Variants in PDE1B observed in about 807,000 individuals in gnomAD.
PDE1B encodes phosphodiesterase 1B.
A neutral mutation model predicts 66.7 loss-of-function variants in PDE1B; 13 were observed. That is an observed-to-expected ratio of 0.19 (90% CI 0.13 to 0.31). The LOEUF (loss-of-function observed/expected upper bound fraction) is 0.31. Ranked by LOEUF, PDE1B falls within the 10% of genes least tolerant of loss-of-function variation. The pLI is 1.00. For synonymous variants in PDE1B, 230 were observed against 253.9 expected (o/e 0.91, Z 0.90); for missense variants, 485 against 682.3 (o/e 0.71, Z 3.22).
At chr12:54,568,977 A>G (rs141372403) in intron 3 of PDE1B, 1 of 747,692 alleles carries the variant, frequency 1.3e-6, no homozygotes, top group African/African-American at 1.8e-5. Context: ...CATAGTTGGG[A>G]TGCTCACTAC....
chr12:54,562,995 C>A (rs974493523), intron 2 of PDE1B, among the ~76,000 whole-genome samples: 8 of 152,232 alleles, frequency 5.3e-5, no homozygotes, highest in Non-Finnish European at 8.8e-5. Context: ...CCTTACTCTT[C>A]TCAGGCTCAC....
At chr12:54,554,178 C>T (rs1469014455) in intron 2 of PDE1B, 2 of 152,182 alleles carry the variant, frequency 1.3e-5, no homozygotes, top group African/African-American at 4.8e-5. Flanking sequence ...CTGGGTGCCT[C>T]ATTGGTTTAA....
In PDE1B at chr12:54,549,989, A is replaced by G; in HGVS notation, c.113+4A>G. On this transcript the variant is annotated splice_donor_region_variant and intron_variant, in intron 2 of 15. Transcript: ENST00000243052. Reference sequence around the variant, plus strand: ...TGTGGATTAAGCTTCGGTCTCTGTAAGTCCCCGGCCCGGGAATGGGGGGAA... The same window carrying G: ...TGTGGATTAAGCTTCGGTCTCTGTAGGTCCCCGGCCCGGGAATGGGGGGAA... The G allele has an allele frequency of 6.2e-7, 1 of 1,613,374 alleles. No homozygotes were observed. The highest frequency in any genetic ancestry group is 8.5e-7 in the Non-Finnish European group (1 of 1,179,616).
intron 3 of PDE1B, among the ~76,000 whole-genome samples, chr12:54,567,637 A>G (rs1248056409): frequency 6.6e-6 from 1 of 152,110 alleles, no homozygotes; most frequent in Non-Finnish European, 1.5e-5. Context: ...ACAGATATCA[A>G]GAAGGACAGA....
At chr12:54,574,807 CCA>C in intron 10 of PDE1B, 1 of 202,598 alleles carries the variant, frequency 4.9e-6, no homozygotes, top group Non-Finnish European at 1.0e-5. Flanking sequence ...ACTGTCTCTA[CCA>C]AAAAAATACA....
intron 3 of PDE1B, 103 bp downstream of exon 3, chr12:54,567,190 G>A (rs888192691): frequency 1.6e-5 from 10 of 607,846 alleles, no homozygotes; most frequent in African/African-American, 9.3e-5. Flanking sequence ...GACAGAGACC[G>A]GAAGAAAGAG....
rs373780908 is a variant in PDE1B, at chr12:54,565,487, C to T, written c.114-1487C>T. Among the ~76,000 whole-genome samples the T allele has an allele frequency of 1.7e-4, 26 of 152,320 alleles. 1 individual carries two copies. The South Asian group carries it at 4.6e-3, about 27-fold the overall frequency. On this transcript the variant is annotated intron_variant, in intron 2 of 15. Transcript: ENST00000243052. ...TGGGAAAGCCTTTTATGATATATCT[C>T]GCCTCTATTCCTCCTCCCTAATGAA... is the stretch of plus-strand genomic sequence containing the variant.
chr12:54,561,717 G>A (rs768000030), intron 2 of PDE1B: 3 of 1,022,762 alleles, frequency 2.9e-6, no homozygotes, highest in Admixed American at 4.2e-5. Flanking sequence ...GTAGTTTAGT[G>A]AAGTGGAGAG....
intron 2 of PDE1B, 46 bp from the exon 3 acceptor site, chr12:54,566,928 T>C: frequency 4.2e-6 from 4 of 960,996 alleles, no homozygotes; most frequent in East Asian, 2.4e-5. Flanking sequence ...GTTCTCATGA[T>C]AAGGTAGCTG....
intron 14 of PDE1B, chr12:54,576,914 C>T: frequency 3.2e-6 from 2 of 616,332 alleles, no homozygotes; most frequent in Non-Finnish European, 5.7e-6. Flanking sequence ...TAGAGACAGT[C>T]AGATATTCCA....
chr12:54,577,520 C>G lies in PDE1B; in HGVS notation c.*17+175C>G, dbSNP rs540475919. The stretch of plus-strand genomic sequence containing the variant: ...TGTGGGTGGAGCAGGGAAATCCTCC[C>G]ACGCTCTTCTGTCCCCCAGTCCCTG... On this transcript the variant is annotated intron_variant, in intron 15 of 15. Coordinates refer to ENST00000243052, the MANE Select transcript of PDE1B (RefSeq NM_000924.4). The G allele has an allele frequency of 2.4e-5, 38 of 1,573,718 alleles. No homozygotes were observed. The East Asian group carries it at 7.6e-4, about 32-fold the overall frequency.
intron 2 of PDE1B, among the ~76,000 whole-genome samples, chr12:54,564,448 A>C (rs1395398682): frequency 2.0e-5 from 3 of 152,198 alleles, no homozygotes; most frequent in Non-Finnish European, 2.9e-5. Context: ...CCTGGGCAAC[A>C]TAGCAGGACC....
chr12:54,573,868 AGAGT>A lies in PDE1B; in HGVS notation c.1064+161_1064+164del, dbSNP rs1957668659. 3 of 533,920 alleles carry A rather than the reference AGAGT, an allele frequency of 5.6e-6. No homozygotes were observed. Among genetic ancestry groups the A allele is most frequent in the Non-Finnish European group, 6.7e-6 (2 of 299,010 alleles). The allele number at this position is 533,920 out of a possible 1,614,324, so 33.1% of individuals were successfully genotyped here. On this transcript the variant is annotated intron_variant, in intron 10 of 15. Transcript: ENST00000243052. The surrounding 1 kb of genome is among the most constrained non-coding windows in gnomAD (Gnocchi z 5.2). ...CTGCATCTCTATGTGAGAGAGAGAGAGAGTGTGTGTGTGTGTGTGTGTGTGTGTG... is the reference window on the plus strand; with the variant it reads ...CTGCATCTCTATGTGAGAGAGAGAGAGTGTGTGTGTGTGTGTGTGTGTGTG...
At chr12:54,560,504 C>T (rs572170730) in intron 2 of PDE1B, among the ~76,000 whole-genome samples, 1 of 152,216 alleles carries the variant, frequency 6.6e-6, no homozygotes. Flanking sequence ...CCCGCCAGCT[C>T]TTCTCCTTAG....
rs1440417158 is a variant in PDE1B at position 54,549,941 on chromosome 12, G to C, written c.69G>C (p.Leu23=). ...CGGATTGCCCGTCACCCCTGGAGCT[G>C]AAGTCAGCCCCCAGCAAGAAGATGT... ...EESDCPSPLE[L]KSAPSKKMWI... Residue 23 remains leucine, a synonymous_variant, in exon 2 of 16, where the codon CTG becomes CTC. Coordinates refer to ENST00000243052, the MANE Select transcript of PDE1B (RefSeq NM_000924.4). 1.2e-6 allele frequency: 2 copies of C among 1,614,084 alleles called. No homozygotes were observed. The highest frequency in any genetic ancestry group is 1.7e-6 in the Non-Finnish European group (2 of 1,180,028).
intron 6 of PDE1B, chr12:54,571,893 G>A (rs993003653): frequency 6.6e-6 from 1 of 152,226 alleles, no homozygotes; most frequent in Non-Finnish European, 1.5e-5. Flanking sequence ...GAAACCTCCC[G>A]AGTCCTGAAC....
intron 2 of PDE1B, among the ~76,000 whole-genome samples, chr12:54,553,905 G>A (rs1370285908): frequency 1.3e-5 from 2 of 152,200 alleles, no homozygotes; most frequent in African/African-American, 4.8e-5. Flanking sequence ...GTATACATGT[G>A]TTTGGGTAAA....
At chr12:54,554,356 G>A (rs1240861479) in intron 2 of PDE1B, 3 of 152,224 alleles carry the variant, frequency 2.0e-5, no homozygotes, top group South Asian at 2.1e-4. Flanking sequence ...AGAAAAAGGA[G>A]TGTCATTTTT....
chr12:54,569,515 A>G lies in PDE1B; in HGVS notation c.411-31A>G. ...CACACCTCCACTCCCAGACCTTCATATGTGGGCTTCTTCTCATTGTTCTCT... is the reference window on the plus strand; with the variant it reads ...CACACCTCCACTCCCAGACCTTCATGTGTGGGCTTCTTCTCATTGTTCTCT... On this transcript the variant is annotated intron_variant, in intron 4 of 15. Coordinates refer to ENST00000243052, the MANE Select transcript of PDE1B (RefSeq NM_000924.4). This position sits in a 1 kb window ranked among gnomAD's most constrained non-coding sequence, Gnocchi z 4.4. 1 of 1,603,402 alleles carries G rather than the reference A, an allele frequency of 6.2e-7. No homozygotes were observed. Among genetic ancestry groups the G allele is most frequent in the Non-Finnish European group, 8.5e-7 (1 of 1,170,420 alleles).
Sources: allele counts gnomAD v4.1 joint callset (sites outside exome capture counted in the v4.1 genomes callset), GRCh38; gene constraint gnomAD v4.1.1; non-coding constraint Gnocchi (gnomAD v3.1); transcripts MANE v1.5; gene names NCBI Gene and HGNC (gene_info 2026-07-23, HGNC 2026-07-21).